Variants in CELF2 observed in about 807,000 individuals in gnomAD.
CELF2 encodes the protein CUG triplet repeat RNA-binding protein 2.
CELF2 carries 8 observed loss-of-function variants against 62.6 expected under a neutral mutation model. That is an observed-to-expected ratio of 0.13 (90% CI 0.07 to 0.23). The LOEUF (loss-of-function observed/expected upper bound fraction) is 0.23, where lower values mean the gene tolerates loss of function less well. Ranked by LOEUF, CELF2 falls within the 10% of genes least tolerant of loss-of-function variation. CELF2 has a pLI of 1.00. For synonymous variants in CELF2, 258 were observed against 250.0 expected (o/e 1.03, Z -0.30); for missense variants, 333 against 671.0 (o/e 0.50, Z 5.56).
intron 2 of CELF2, among the ~76,000 whole-genome samples, chr10:10,962,227 G>A (rs2049591984): frequency 6.6e-6 from 1 of 152,116 alleles, no homozygotes. Flanking sequence ...AGGTGCCATA[G>A]CACCACAGCA....
At chr10:11,034,155 C>G (rs1041028936) in intron 1 of CELF2, among the ~76,000 whole-genome samples, 2 of 152,140 alleles carry the variant, frequency 1.3e-5, no homozygotes, top group Non-Finnish European at 2.9e-5. Context: ...GTCCTGTTGA[C>G]TTTGCCTGTA....
intron 1 of CELF2, among the ~76,000 whole-genome samples, chr10:10,827,048 G>A (rs2057448766): frequency 6.6e-6 from 1 of 152,130 alleles, no homozygotes; most frequent in African/African-American, 2.4e-5. Flanking sequence ...TAATCAAGTA[G>A]GACTAAGTAA....
intron 3 of CELF2, among the ~76,000 whole-genome samples, chr10:11,230,821 G>C (rs1348636658): frequency 6.6e-6 from 1 of 152,178 alleles, no homozygotes; most frequent in Non-Finnish European, 1.5e-5. Flanking sequence ...TAAAGCATGA[G>C]GAACAATTTT....
At chr10:10,519,903 T>A in the CELF2 span, among the ~76,000 whole-genome samples, 14 of 152,092 alleles carry the variant, frequency 9.2e-5, no homozygotes, top group Non-Finnish European at 1.9e-4. Context: ...ATCCTTCTGT[T>A]TAGATGAGCC....
At chr10:10,646,143 G>C in the CELF2 span, among the ~76,000 whole-genome samples, 1 of 152,132 alleles carries the variant, frequency 6.6e-6, no homozygotes, top group Non-Finnish European at 1.5e-5. Context: ...TTCCCTATGA[G>C]ACAGGGCATC....
chr10:11,220,540 A>C lies in CELF2; in HGVS notation c.354+3033A>C, dbSNP rs755415253. On this transcript the variant is annotated intron_variant, in intron 3 of 12. Transcript: ENST00000633077. The surrounding 1 kb of genome is among the most constrained non-coding windows in gnomAD (Gnocchi z 4.4). Reference sequence around the variant, plus strand: ...GAAACGACTCCCAGATTGAGGTGACAGATCAGGGCTCTTACGGAGCAGTGC... The same window carrying C: ...GAAACGACTCCCAGATTGAGGTGACCGATCAGGGCTCTTACGGAGCAGTGC... Among the ~76,000 whole-genome samples, 2 of 152,236 alleles carry C rather than the reference A, an allele frequency of 1.3e-5. No homozygotes were observed. The highest frequency in any genetic ancestry group is 2.4e-5 in the African/African-American group (1 of 41,470).
At chr10:10,483,889 G>A in the CELF2 span, among the ~76,000 whole-genome samples, 525 of 145,242 alleles carry the variant, frequency 3.6e-3, 3 homozygotes, top group Middle Eastern at 7.4e-3. Context: ...TCTCTCTCTC[G>A]TCTCTCTCTC....
At chr10:10,743,012 T>C in the CELF2 span, among the ~76,000 whole-genome samples, 1 of 152,248 alleles carries the variant, frequency 6.6e-6, no homozygotes, top group Non-Finnish European at 1.5e-5. Context: ...ATTCATTTAT[T>C]CATTGACTTA....
At chr10:10,630,670 C>T in the CELF2 span, among the ~76,000 whole-genome samples, 1 of 152,146 alleles carries the variant, frequency 6.6e-6, no homozygotes, top group Non-Finnish European at 1.5e-5. Context: ...TTAAGAGCCC[C>T]AGAAGATCTT....
chr10:11,271,324 C>T (rs556250490), intron 7 of CELF2, among the ~76,000 whole-genome samples: 1 of 152,372 alleles, frequency 6.6e-6, no homozygotes, highest in South Asian at 2.1e-4. Context: ...CCAGTTCTCT[C>T]AGCCATTCCT....
At chr10:11,206,605 A>G (rs1229328965) in intron 2 of CELF2, among the ~76,000 whole-genome samples, 1 of 152,202 alleles carries the variant, frequency 6.6e-6, no homozygotes, top group African/African-American at 2.4e-5. Context: ...ATGAGACCCC[A>G]GGGAGACCAG....
rs1254809079 is a variant in CELF2 at position 11,305,129 on chromosome 10, C to T, written c.977-9010C>T. 1.3e-5 allele frequency among the ~76,000 whole-genome samples: 2 copies of T among 152,174 alleles called. No homozygotes were observed. Among genetic ancestry groups the T allele is most frequent in the Admixed American group, 6.5e-5 (1 of 15,288 alleles). ...TTCTACCAGTCTGATAGTCACCCCT[C>T]CTCCCACAGGAAATCCAAGGCTGGT... On this transcript the variant is annotated intron_variant, in intron 9 of 12. Coordinates refer to ENST00000633077, the MANE Select transcript of CELF2 (RefSeq NM_001326342.2). The surrounding 1 kb of genome is among the most constrained non-coding windows in gnomAD (Gnocchi z 4.8).
intron 1 of CELF2, among the ~76,000 whole-genome samples, chr10:10,891,820 C>G (rs2062166457): frequency 1.3e-5 from 2 of 152,146 alleles, no homozygotes; most frequent in African/African-American, 4.8e-5. Flanking sequence ...GTCTGTTAAT[C>G]ACTCTAAGTC....
chr10:10,491,411 C>G, the CELF2 span, among the ~76,000 whole-genome samples: 1 of 152,098 alleles, frequency 6.6e-6, no homozygotes, highest in African/African-American at 2.4e-5. Flanking sequence ...TCATTTGGTG[C>G]TCTTTGCCTC....
At chr10:10,889,297 T>A (rs886881279) in intron 1 of CELF2, among the ~76,000 whole-genome samples, 6 of 152,236 alleles carry the variant, frequency 3.9e-5, no homozygotes, top group Admixed American at 3.3e-4. Context: ...TTAATCTACA[T>A]GTAATGAAGT....
intron 2 of CELF2, among the ~76,000 whole-genome samples, chr10:10,967,401 C>T (rs781084197): frequency 3.9e-5 from 6 of 152,150 alleles, no homozygotes; most frequent in Admixed American, 1.3e-4. Context: ...GAACACTTTC[C>T]TACTCCTCAT....
At chr10:10,603,523 G>C in the CELF2 span, among the ~76,000 whole-genome samples, 75 of 152,260 alleles carry the variant, frequency 4.9e-4, no homozygotes, top group Middle Eastern at 3.4e-3. Context: ...TATTTTAGGA[G>C]AGTGGAGAGA....
chr10:10,581,324 T>A, the CELF2 span, among the ~76,000 whole-genome samples: 1 of 152,222 alleles, frequency 6.6e-6, no homozygotes, highest in South Asian at 2.1e-4. Context: ...AGGAGCAATC[T>A]ATGAAAGCTA....
chr10:10,601,013 C>T, the CELF2 span, among the ~76,000 whole-genome samples: 36,117 of 152,040 alleles, frequency 0.24, 4,889 homozygotes, highest in South Asian at 0.51. Flanking sequence ...GGGAAGACAT[C>T]GTACAGCAGG....
Sources: allele counts gnomAD v4.1 joint callset (sites outside exome capture counted in the v4.1 genomes callset), GRCh38; gene constraint gnomAD v4.1.1; non-coding constraint Gnocchi (gnomAD v3.1); transcripts MANE v1.5; gene names NCBI Gene and HGNC (gene_info 2026-07-23, HGNC 2026-07-21).